The following LONP2 variants were observed in gnomAD, a reference collection of about 807,000 sequenced individuals.
The protein encoded by LONP2 is lon peptidase 2, peroxisomal.
In LONP2, 60 loss-of-function variants were observed where a neutral mutation model predicts 85.6. That is an observed-to-expected ratio of 0.70 (90% confidence interval 0.57 to 0.87). The LOEUF (loss-of-function observed/expected upper bound fraction) is 0.87. LONP2 is among the 40% of genes least tolerant of loss of function. LONP2 has a pLI of 0.00. For synonymous variants in LONP2, 395 were observed against 389.7 expected, an observed-to-expected ratio of 1.01 and a Z score of -0.16; for missense variants, 860 against 1,063.5, an observed-to-expected ratio of 0.81 and a Z score of 2.66.
At chr16:48,278,275 A>G (rs868214864) in intron 8 of LONP2, among the ~76,000 whole-genome samples, 2 of 151,970 alleles carry the variant, frequency 1.3e-5, no homozygotes, top group African/African-American at 4.8e-5. Context: ...TGTTCTATCC[A>G]TTTTATCTTC....
chr16:48,268,732 GTTC>G (rs1412154288), intron 6 of LONP2, among the ~76,000 whole-genome samples: 2 of 152,074 alleles, frequency 1.3e-5, no homozygotes, highest in Admixed American at 1.3e-4. Flanking sequence ...AATTTTAGTT[GTTC>G]TTCTCCTACT....
At chr16:48,346,299 T>C (rs969796050) in intron 12 of LONP2, among the ~76,000 whole-genome samples, 2 of 152,192 alleles carry the variant, frequency 1.3e-5, no homozygotes, top group East Asian at 3.9e-4. Flanking sequence ...CTAACATGAG[T>C]AACTTCTATT....
In LONP2 at chr16:48,262,800, A is replaced by G; in HGVS notation, c.910A>G (p.Met304Val). 1 of 1,611,374 alleles carries G rather than the reference A, an allele frequency of 6.2e-7. No homozygotes were observed. The highest frequency in any genetic ancestry group is 8.5e-7 in the Non-Finnish European group (1 of 1,178,512). Residue 304 changes from methionine (M) to valine (V), a missense_variant, in exon 6 of 15, where the codon ATG becomes GTG. By Grantham distance (21) the Met-to-Val change is conservative. Transcript: ENST00000285737. ...IKRLKKMPQSMPEYALTRNYL... is the reference protein window; with the variant it reads ...IKRLKKMPQSVPEYALTRNYL... ...CAGACTCAAAAAAATGCCTCAGTCA[A>G]TGCCAGAATATGCTCTGACTAGAAA...
intron 11 of LONP2, among the ~76,000 whole-genome samples, chr16:48,328,204 G>C (rs1289093112): frequency 6.6e-6 from 1 of 152,112 alleles, no homozygotes; most frequent in Non-Finnish European, 1.5e-5. Flanking sequence ...GAGGCCAGGA[G>C]TTCAAGACCA....
rs909456586 is a variant in LONP2, at chr16:48,355,706, G to A, written c.*3904G>A. 4 of 152,042 alleles carry A rather than the reference G, an allele frequency of 2.6e-5. No homozygotes were observed. The highest frequency in any genetic ancestry group is 2.0e-4 in the Admixed American group (3 of 15,258). The allele number at this position is 152,042 out of a possible 1,614,324, so 9.4% of individuals were successfully genotyped here. On this transcript the variant is annotated 3_prime_UTR_variant, in exon 15 of 15. Coordinates refer to ENST00000285737, the MANE Select transcript of LONP2 (RefSeq NM_031490.5). ...GTTTTTTATAATAGCCCTCCAAATGGGTGTGACGTATTTTGATTCTATGTC... is the reference window on the plus strand; with the variant it reads ...GTTTTTTATAATAGCCCTCCAAATGAGTGTGACGTATTTTGATTCTATGTC...
At chr16:48,275,847 G>T (rs1972197336) in intron 7 of LONP2, among the ~76,000 whole-genome samples, 1 of 152,138 alleles carries the variant, frequency 6.6e-6, no homozygotes, top group Admixed American at 6.6e-5. Context: ...TATATACAGT[G>T]TGAGTAGAAT....
rs1369484336 is a variant in LONP2 at position 48,351,711 on chromosome 16, C to G, written c.2468C>G (p.Thr823Arg). 1.2e-6 allele frequency: 2 copies of G among 1,614,186 alleles called. No homozygotes were observed. Among genetic ancestry groups the G allele is most frequent in the Non-Finnish European group, 1.7e-6 (2 of 1,180,042 alleles). The change falls in exon 15 of 15, where the codon ACA (threonine) becomes AGA (arginine). Residue 823 changes from threonine (T) to arginine (R), a missense_variant. Physicochemically the swap from Thr to Arg is moderately conservative, Grantham distance 71. Transcript: ENST00000285737. ...GTACGACAGGATTTAAGTTTTGTCA[C>G]AGCAAGCTGCCTGGATGAGGTTCTT... Reference protein sequence around the residue: ...GNVRQDLSFVTASCLDEVLNA... With the variant: ...GNVRQDLSFVRASCLDEVLNA...
chr16:48,333,186 G>A (rs1346808064), intron 11 of LONP2, among the ~76,000 whole-genome samples: 3 of 151,802 alleles, frequency 2.0e-5, no homozygotes, highest in East Asian at 1.9e-4. Flanking sequence ...AATATTTTTC[G>A]TTACTTGAAC....
intron 11 of LONP2, among the ~76,000 whole-genome samples, chr16:48,316,323 CTTT>C (rs776343152): frequency 2.8e-5 from 3 of 106,004 alleles, no homozygotes; most frequent in Non-Finnish European, 3.8e-5. Context: ...CCATTGGATT[CTTT>C]TTTTTTTTTT....
chr16:48,250,261 T>C (rs2150961331), intron 1 of LONP2, among the ~76,000 whole-genome samples: 1 of 151,744 alleles, frequency 6.6e-6, no homozygotes, highest in African/African-American at 2.4e-5. Flanking sequence ...GGTGGGCGAA[T>C]CATGAGGTCA....
At chr16:48,311,400 T>C (rs1973029106) in intron 11 of LONP2, among the ~76,000 whole-genome samples, 1 of 151,560 alleles carries the variant, frequency 6.6e-6, no homozygotes, top group Admixed American at 6.6e-5. Flanking sequence ...TGAAAAAACC[T>C]ATCTTAAAGT....
intron 3 of LONP2, among the ~76,000 whole-genome samples, chr16:48,258,105 T>A (rs1231190279): frequency 6.6e-6 from 1 of 152,142 alleles, no homozygotes; most frequent in Non-Finnish European, 1.5e-5. Flanking sequence ...CCCAACACTT[T>A]GGGAGGCCGA....
intron 11 of LONP2, among the ~76,000 whole-genome samples, chr16:48,306,785 G>T (rs1234020683): frequency 6.6e-6 from 1 of 152,048 alleles, no homozygotes; most frequent in African/African-American, 2.4e-5. Context: ...AAGTTCAAAT[G>T]GAGCTTAGTA....
chr16:48,308,456 G>A (rs888377829), intron 11 of LONP2, among the ~76,000 whole-genome samples: 17 of 151,938 alleles, frequency 1.1e-4, no homozygotes, highest in East Asian at 3.9e-4. Flanking sequence ...GTGAAACCCC[G>A]TCTCTACTAA....
At chr16:48,339,344 G>T (rs1004528887) in intron 12 of LONP2, among the ~76,000 whole-genome samples, 1 of 152,186 alleles carries the variant, frequency 6.6e-6, no homozygotes, top group Non-Finnish European at 1.5e-5. Flanking sequence ...GAACAAATGT[G>T]TATTGGATTT....
intron 8 of LONP2, among the ~76,000 whole-genome samples, chr16:48,287,156 G>A (rs1567324007): frequency 1.3e-5 from 2 of 152,190 alleles, no homozygotes. Context: ...GTATTGAAGT[G>A]GGCCTTTCAC....
downstream of LONP2, among the ~76,000 whole-genome samples, chr16:48,359,168 T>C (rs912870916): frequency 6.6e-6 from 1 of 152,108 alleles, no homozygotes; most frequent in Non-Finnish European, 1.5e-5. Context: ...AGACAGGGTT[T>C]CACCATGTTG....
rs570106183 is a variant in LONP2 at position 48,328,701 on chromosome 16, C to G, written c.1796-5515C>G. 1.2e-3 allele frequency among the ~76,000 whole-genome samples: 174 copies of G among 150,404 alleles called. 1 individual carries two copies. The highest frequency in any genetic ancestry group is 4.2e-3 in the African/African-American group (170 of 40,960). On this transcript the variant is annotated intron_variant, in intron 11 of 14. Coordinates refer to ENST00000285737, the MANE Select transcript of LONP2 (RefSeq NM_031490.5). ...AAAAAAAAAAAAAAAAAAAATTGGC[C>G]AGGTGTGGTGGTACACACCTGTAAT...
At chr16:48,254,948 C>T (rs897171894) in intron 2 of LONP2, among the ~76,000 whole-genome samples, 1 of 152,164 alleles carries the variant, frequency 6.6e-6, no homozygotes, top group Non-Finnish European at 1.5e-5. Context: ...TTATCTACTT[C>T]TTCCACCTGA....
Sources: gnomAD v4.1 joint callset for allele counts (sites outside exome capture counted in the v4.1 genomes callset) on GRCh38, gnomAD v4.1.1 for gene constraint, MANE v1.5 for transcripts, NCBI Gene and HGNC (gene_info 2026-07-23, HGNC 2026-07-21) for gene names.